DLG2: variants seen among roughly 807,000 people sequenced by gnomAD.
The protein encoded by DLG2 is discs large MAGUK scaffold protein 2.
DLG2 carries 45 observed loss-of-function variants against 132.5 expected under a neutral mutation model. The observed-to-expected ratio is 0.34, with a 90% CI of 0.27 to 0.44. DLG2 has a LOEUF of 0.44. Among genes scored for constraint, DLG2 ranks in the 20% least tolerant of loss-of-function variants. The pLI, the probability that DLG2 is intolerant of heterozygous loss-of-function variation, is 1.00. For missense variants in DLG2, 1,045 were observed against 1,196.9 expected, an observed-to-expected ratio of 0.87 and a Z score of 1.87; for synonymous variants, 424 against 419.6, an observed-to-expected ratio of 1.01 and a Z score of -0.13.
At chr11:85,583,883 T>G (rs1005559619) in intron 3 of DLG2, among the ~76,000 whole-genome samples, 1 of 152,230 alleles carries the variant, frequency 6.6e-6, no homozygotes, top group East Asian at 1.9e-4. Flanking sequence ...TCACACCACA[T>G]ATCTGCAAAG....
At chr11:85,178,154 G>C (rs971450487) in intron 4 of DLG2, among the ~76,000 whole-genome samples, 3 of 151,870 alleles carry the variant, frequency 2.0e-5, no homozygotes, top group Non-Finnish European at 2.9e-5. Flanking sequence ...TATAAGAATA[G>C]ACAATATTTA....
intron 6 of DLG2, among the ~76,000 whole-genome samples, chr11:84,944,585 A>AATT (rs1236963976): frequency 1.1e-4 from 16 of 146,604 alleles, no homozygotes; most frequent in Admixed American, 6.2e-4. Context: ...AACTGTTTTT[A>AATT]ATTATTTCAG....
chr11:83,980,008 T>C lies in DLG2; in HGVS notation c.1056+498A>G, dbSNP rs188831895. Reference sequence around the variant, plus strand: ...ATTGTACATGTACTTTTGAAATCTCTTACTCATAAATCTGCTGTCTCTTCT... The same window carrying C: ...ATTGTACATGTACTTTTGAAATCTCCTACTCATAAATCTGCTGTCTCTTCT... On this transcript the variant is annotated intron_variant, in intron 12 of 27. Coordinates refer to ENST00000376104, the MANE Select transcript of DLG2 (RefSeq NM_001142699.3). Among the ~76,000 whole-genome samples, 58 of 152,320 alleles carry C rather than the reference T, an allele frequency of 3.8e-4. 1 individual carries two copies. Among genetic ancestry groups the C allele is most frequent in the African/African-American group, 1.3e-3 (56 of 41,580 alleles).
intron 21 of DLG2, among the ~76,000 whole-genome samples, chr11:83,532,479 C>T (rs1389665521): frequency 6.6e-6 from 1 of 152,160 alleles, no homozygotes; most frequent in Non-Finnish European, 1.5e-5. Context: ...CCTTCATCAA[C>T]ACACTGCTTC....
chr11:85,130,735 C>T (rs1291254977), intron 5 of DLG2, among the ~76,000 whole-genome samples: 1 of 152,060 alleles, frequency 6.6e-6, no homozygotes, highest in Non-Finnish European at 1.5e-5. Context: ...AAATTGTGGG[C>T]AAGTTTCTTG....
intron 15 of DLG2, among the ~76,000 whole-genome samples, chr11:83,880,216 G>T (rs888964058): frequency 6.6e-6 from 1 of 151,990 alleles, no homozygotes; most frequent in Non-Finnish European, 1.5e-5. Flanking sequence ...GGAATAAAGG[G>T]GTCAAGATGG....
chr11:83,564,439 G>C (rs2096667307), intron 19 of DLG2, among the ~76,000 whole-genome samples: 2 of 152,102 alleles, frequency 1.3e-5, no homozygotes, highest in African/African-American at 4.8e-5. Context: ...TCACAAGGTT[G>C]CTACCTGTAA....
chr11:85,011,922 C>CT (rs2154135624), intron 6 of DLG2, among the ~76,000 whole-genome samples: 1 of 152,206 alleles, frequency 6.6e-6, no homozygotes, highest in South Asian at 2.1e-4. Context: ...ATTGAGTATG[C>CT]TTTTTACTAT....
At chr11:84,930,457 G>A (rs2047954895) in intron 6 of DLG2, among the ~76,000 whole-genome samples, 1 of 152,114 alleles carries the variant, frequency 6.6e-6, no homozygotes, top group Admixed American at 6.6e-5. Context: ...AACACTGCCT[G>A]ATAATCCTAC....
At chr11:84,081,811 T>C in intron 10 of DLG2, among the ~76,000 whole-genome samples, 1 of 152,232 alleles carries the variant, frequency 6.6e-6, no homozygotes, top group East Asian at 1.9e-4. Context: ...TAGCATGATT[T>C]ATAATCCTTT....
chr11:83,856,197 GTGTGTA>G (rs944905821), intron 16 of DLG2, among the ~76,000 whole-genome samples: 2 of 152,086 alleles, frequency 1.3e-5, no homozygotes, highest in African/African-American at 4.8e-5. Flanking sequence ...ATAATTCATG[GTGTGTA>G]TGTACCACAT....
intron 3 of DLG2, among the ~76,000 whole-genome samples, chr11:85,529,572 T>C (rs1273870106): frequency 3.3e-5 from 5 of 152,202 alleles, no homozygotes; most frequent in Non-Finnish European, 7.3e-5. Context: ...TTCCCCTTAG[T>C]TCTAGTATTC....
intron 6 of DLG2, among the ~76,000 whole-genome samples, chr11:84,700,085 A>C (rs1453265590): frequency 2.6e-5 from 4 of 151,704 alleles, no homozygotes; most frequent in Non-Finnish European, 5.9e-5. Flanking sequence ...ATAGGTAGTT[A>C]ATAAATGCTA....
rs559763701 is a variant in DLG2 at position 85,626,123 on chromosome 11, T to A, written c.-93+464A>T. 3.9e-5 allele frequency among the ~76,000 whole-genome samples: 6 copies of A among 152,372 alleles called. No homozygotes were observed. The East Asian group carries it at 1.2e-3, about 29-fold the overall frequency. The stretch of plus-strand genomic sequence containing the variant: ...CACTAGAATAAATCCAAATAATAAG[T>A]CTATTTTTTAACCAAAAGATAAATT... On this transcript the variant is annotated intron_variant, in intron 2 of 27. Coordinates refer to ENST00000376104, the MANE Select transcript of DLG2 (RefSeq NM_001142699.3).
intron 3 of DLG2, among the ~76,000 whole-genome samples, chr11:85,582,121 T>C (rs1309924644): frequency 6.6e-6 from 1 of 152,128 alleles, no homozygotes; most frequent in Admixed American, 6.6e-5. Context: ...AACAAAGAAA[T>C]TGAAGATGCA....
chr11:84,678,853 A>G (rs984357805), intron 6 of DLG2, among the ~76,000 whole-genome samples: 1 of 152,090 alleles, frequency 6.6e-6, no homozygotes, highest in Non-Finnish European at 1.5e-5. Flanking sequence ...TAATTTATTT[A>G]AATTTCTAAA....
intron 10 of DLG2, among the ~76,000 whole-genome samples, chr11:84,078,383 G>T (rs1003405416): frequency 9.9e-5 from 15 of 152,210 alleles, no homozygotes; most frequent in African/African-American, 3.6e-4. Flanking sequence ...TAAAAGCAAA[G>T]AATTGGAAAC....
chr11:85,489,502 C>T (rs892430215), intron 3 of DLG2, among the ~76,000 whole-genome samples: 17 of 151,992 alleles, frequency 1.1e-4, no homozygotes, highest in African/African-American at 3.9e-4. Flanking sequence ...GACAAATCAT[C>T]GAGACCGAAA....
At chr11:85,110,286 A>G (rs2072493967) in intron 6 of DLG2, among the ~76,000 whole-genome samples, 1 of 151,980 alleles carries the variant, frequency 6.6e-6, no homozygotes, top group Non-Finnish European at 1.5e-5. Flanking sequence ...GCTTAGTGGC[A>G]TGCACCTGTA....
Sources: gnomAD v4.1 joint callset for allele counts (sites outside exome capture counted in the v4.1 genomes callset) on GRCh38, gnomAD v4.1.1 for gene constraint, MANE v1.5 for transcripts, NCBI Gene and HGNC (gene_info 2026-07-23, HGNC 2026-07-21) for gene names.